Variants in THSD7B observed in about 807,000 individuals in gnomAD.
THSD7B encodes thrombospondin type-1 domain-containing protein 7B.
THSD7B carries 138 observed loss-of-function variants against 213.6 expected under a neutral mutation model. The observed-to-expected ratio is 0.65, with a 90% CI of 0.56 to 0.74. The LOEUF (loss-of-function observed/expected upper bound fraction) is 0.74, where lower values mean the gene tolerates loss of function less well. THSD7B is among the 30% of genes least tolerant of loss of function. The pLI, the probability that THSD7B is intolerant of heterozygous loss-of-function variation, is 0.00. For missense variants in THSD7B, 1,931 were observed against 1,991.5 expected (o/e 0.97, Z 0.58); for synonymous variants, 742 against 687.0 (o/e 1.08, Z -1.25).
chr2:137,121,192 T>C (rs1688540013), intron 5 of THSD7B, among the ~76,000 whole-genome samples: 1 of 152,198 alleles, frequency 6.6e-6, no homozygotes, highest in Non-Finnish European at 1.5e-5. Context: ...CAGACTGTTC[T>C]TGTTATTAAA....
intron 3 of THSD7B, among the ~76,000 whole-genome samples, chr2:137,090,010 A>G (rs181784350): frequency 1.3e-5 from 2 of 152,080 alleles, no homozygotes; most frequent in Non-Finnish European, 2.9e-5. Context: ...CGGTCTCAAA[A>G]AAAAGTAAAA....
intron 12 of THSD7B, among the ~76,000 whole-genome samples, chr2:137,313,549 A>T (rs1440066763): frequency 1.3e-5 from 2 of 150,900 alleles, no homozygotes; most frequent in Non-Finnish European, 1.5e-5. Context: ...TCCTGTCATT[A>T]TGATGTTAGC....
At chr2:136,807,403 C>T (rs1682300805) in intron 1 of THSD7B, among the ~76,000 whole-genome samples, 1 of 151,094 alleles carries the variant, frequency 6.6e-6, no homozygotes, top group South Asian at 2.1e-4. Flanking sequence ...ATTATTCCAT[C>T]TTTGGCCATT....
chr2:136,995,268 A>T (rs924683360), intron 2 of THSD7B, among the ~76,000 whole-genome samples: 2 of 152,112 alleles, frequency 1.3e-5, no homozygotes, highest in African/African-American at 4.8e-5. Flanking sequence ...CAAAGCAGGG[A>T]AAGCTGGGAT....
intron 12 of THSD7B, among the ~76,000 whole-genome samples, chr2:137,392,468 C>T (rs945344881): frequency 6.6e-6 from 1 of 152,170 alleles, no homozygotes; most frequent in East Asian, 1.9e-4. Context: ...GTTATATCCT[C>T]TTACTGAACT....
chr2:137,169,647 T>A (rs976542606), intron 6 of THSD7B, among the ~76,000 whole-genome samples: 1 of 152,114 alleles, frequency 6.6e-6, no homozygotes. Context: ...TTGGTTTTGT[T>A]AAAAGAAAAA....
chr2:137,529,681 GAA>G (rs2105177759), intron 15 of THSD7B, among the ~76,000 whole-genome samples: 1 of 151,474 alleles, frequency 6.6e-6, no homozygotes, highest in South Asian at 2.1e-4. Context: ...AATTCAAATG[GAA>G]AGTTTAAGCT....
intron 2 of THSD7B, among the ~76,000 whole-genome samples, chr2:137,005,831 A>G (rs1020868734): frequency 6.6e-6 from 1 of 152,178 alleles, no homozygotes; most frequent in Non-Finnish European, 1.5e-5. Flanking sequence ...ATAATAAGTC[A>G]TTGGCTCAAA....
intron 15 of THSD7B, among the ~76,000 whole-genome samples, chr2:137,545,133 A>G (rs558003030): frequency 3.3e-5 from 5 of 151,822 alleles, no homozygotes; most frequent in Non-Finnish European, 7.4e-5. Context: ...AGAAAATGAG[A>G]CAGTTGGAAT....
intron 2 of THSD7B, among the ~76,000 whole-genome samples, chr2:136,968,085 CTG>C (rs1473420092): frequency 6.6e-6 from 1 of 152,058 alleles, no homozygotes. Context: ...CATTTTATGA[CTG>C]TATCATGATA....
At position 137,363,123 on chromosome 2, in the gene THSD7B, C is replaced by A. The variant is rs1041436850; in HGVS notation, c.2501-42490C>A. 7.7e-4 allele frequency among the ~76,000 whole-genome samples: 117 copies of A among 152,286 alleles called. 2 individuals carry two copies. The highest frequency in any genetic ancestry group is 7.3e-4 in the Non-Finnish European group (50 of 68,028). On this transcript the variant is annotated intron_variant, in intron 12 of 27. Transcript: ENST00000409968. Reference sequence around the variant, plus strand: ...AAATATATGGAAACTGAACAACCTGCTCCTGAATGACTACTGGGTAAATAA... The same window carrying A: ...AAATATATGGAAACTGAACAACCTGATCCTGAATGACTACTGGGTAAATAA...
intron 9 of THSD7B, 31 bp downstream of exon 9, chr2:137,233,164 T>G (rs1234979394): frequency 1.3e-6 from 2 of 1,572,212 alleles, no homozygotes; most frequent in Admixed American, 3.6e-5. Context: ...GAAAATGCAT[T>G]TGCTTATTTC....
At chr2:137,567,030 G>C (rs1162631556) in intron 16 of THSD7B, among the ~76,000 whole-genome samples, 2 of 152,110 alleles carry the variant, frequency 1.3e-5, no homozygotes, top group African/African-American at 4.8e-5. Context: ...GTAACAAGCT[G>C]TCCCATATGA....
intron 5 of THSD7B, among the ~76,000 whole-genome samples, chr2:137,157,263 G>A (rs563497317): frequency 1.3e-5 from 2 of 152,290 alleles, no homozygotes; most frequent in African/African-American, 4.8e-5. Context: ...ATTGTGAGCT[G>A]GTGCCCCACA....
chr2:137,028,954 T>C (rs1686607016), intron 2 of THSD7B, among the ~76,000 whole-genome samples: 1 of 152,162 alleles, frequency 6.6e-6, no homozygotes, highest in Non-Finnish European at 1.5e-5. Flanking sequence ...AAAACCCCTG[T>C]TAATATTCTA....
chr2:137,667,439 A>G (rs1683471186), intron 26 of THSD7B, among the ~76,000 whole-genome samples: 1 of 152,208 alleles, frequency 6.6e-6, no homozygotes, highest in South Asian at 2.1e-4. Context: ...AAAATCAAAC[A>G]ACAATGCAAA....
chr2:137,460,846 T>C (rs1410100960), intron 15 of THSD7B, among the ~76,000 whole-genome samples: 1 of 152,116 alleles, frequency 6.6e-6, no homozygotes, highest in African/African-American at 2.4e-5. Flanking sequence ...ATGACCCCTC[T>C]GTTTCCTAAA....
chr2:137,496,922 A>G (rs1049673600), intron 15 of THSD7B, among the ~76,000 whole-genome samples: 2 of 152,152 alleles, frequency 1.3e-5, no homozygotes, highest in African/African-American at 4.8e-5. Flanking sequence ...CCAATCATCT[A>G]GTTCGTGTAG....
At chr2:137,417,672 A>T (rs916388538) in intron 14 of THSD7B, among the ~76,000 whole-genome samples, 2 of 152,028 alleles carry the variant, frequency 1.3e-5, no homozygotes, top group Non-Finnish European at 2.9e-5. Context: ...GGCTCAAGCG[A>T]TCCTCCCACC....
Sources: gnomAD v4.1 joint callset for allele counts (sites outside exome capture counted in the v4.1 genomes callset) on GRCh38, gnomAD v4.1.1 for gene constraint, MANE v1.5 for transcripts, NCBI Gene and HGNC (gene_info 2026-07-23, HGNC 2026-07-21) for gene names.